PRRC2B: variants seen among roughly 807,000 people sequenced by gnomAD.
The protein encoded by PRRC2B is proline rich coiled-coil 2B.
In PRRC2B, 68 loss-of-function variants were observed where a neutral mutation model predicts 242.3. That is an observed-to-expected ratio of 0.28 (90% confidence interval 0.23 to 0.34). PRRC2B has a LOEUF of 0.34. Among genes scored for constraint, PRRC2B ranks in the 10% least tolerant of loss-of-function variants. The pLI is 1.00. For missense variants in PRRC2B, 2,835 were observed against 2,954.8 expected, an observed-to-expected ratio of 0.96 and a Z score of 0.94; for synonymous variants, 1,228 against 1,173.6, an observed-to-expected ratio of 1.05 and a Z score of -0.95.
chr9:131,482,943 T>A lies in PRRC2B; in HGVS notation c.5373+36T>A, dbSNP rs747307159. Reference sequence around the variant, plus strand: ...GATTTGTTTTCTTGCTTGCTTTTTTTACTTTTTATTTTGGTACTTGGAGAG... The same window carrying A: ...GATTTGTTTTCTTGCTTGCTTTTTTAACTTTTTATTTTGGTACTTGGAGAG... On this transcript the variant is annotated intron_variant, in intron 22 of 31. Coordinates refer to ENST00000683519, the MANE Select transcript of PRRC2B (RefSeq NM_013318.4). The surrounding 1 kb of genome is among the most constrained non-coding windows in gnomAD (Gnocchi z 5.2). 16 of 1,567,364 alleles carry A rather than the reference T, an allele frequency of 1.0e-5. No homozygotes were observed. Among genetic ancestry groups the A allele is most frequent in the South Asian group, 2.3e-5 (2 of 85,298 alleles).
chr9:131,418,684 C>T (rs1425870922), intron 1 of PRRC2B, among the ~76,000 whole-genome samples: 3 of 152,258 alleles, frequency 2.0e-5, no homozygotes, highest in Admixed American at 1.3e-4. Context: ...GGGACAGCTG[C>T]AGCTGGCTGG....
chr9:131,471,887 A>T (rs1403031973), intron 14 of PRRC2B, among the ~76,000 whole-genome samples: 1 of 152,200 alleles, frequency 6.6e-6, no homozygotes, highest in East Asian at 1.9e-4. Context: ...AAATGTCTTC[A>T]TCATTGCAAG....
At chr9:131,421,594 C>A (rs907390330) in intron 1 of PRRC2B, among the ~76,000 whole-genome samples, 1 of 152,230 alleles carries the variant, frequency 6.6e-6, no homozygotes, top group Non-Finnish European at 1.5e-5. Flanking sequence ...TTCTCTCTCA[C>A]TGCCCCCAGC....
At chr9:131,474,420 A>G in intron 15 of PRRC2B, 34 bp from the exon 16 acceptor site, 2 of 1,561,468 alleles carry the variant, frequency 1.3e-6, no homozygotes, top group Non-Finnish European at 1.7e-6. Flanking sequence ...CCAGGCTCCA[A>G]TCGCATTGAC....
chr9:131,478,649 G>GCCCCGGGCC, intron 18 of PRRC2B, 30 bp downstream of exon 18: 5 of 504,528 alleles, frequency 9.9e-6, no homozygotes, highest in Non-Finnish European at 2.0e-5. Flanking sequence ...GGGGCATGGG[G>GCCCCGGGCC]CTGGAGGGCA....
At chr9:131,485,199 G>A (rs942196453) in intron 25 of PRRC2B, 59 bp downstream of exon 25, 19 of 1,370,614 alleles carry the variant, frequency 1.4e-5, no homozygotes, top group Admixed American at 2.4e-5. Flanking sequence ...CAAGAAAAAC[G>A]GATTAACAGC....
chr9:131,451,085 G>A (rs1207559494), intron 9 of PRRC2B, among the ~76,000 whole-genome samples: 5 of 152,028 alleles, frequency 3.3e-5, no homozygotes, highest in Admixed American at 2.6e-4. Flanking sequence ...ATTTTTTAAG[G>A]GTTTGCTGTC....
chr9:131,375,071 A>G (rs768006636), intron 1 of PRRC2B, among the ~76,000 whole-genome samples: 11 of 152,312 alleles, frequency 7.2e-5, no homozygotes, highest in Non-Finnish European at 1.3e-4. Flanking sequence ...AGTGACTTCA[A>G]GTCACATAAC....
chr9:131,476,829 TGCA>T (rs1213383950), intron 16 of PRRC2B, among the ~76,000 whole-genome samples: 1 of 150,934 alleles, frequency 6.6e-6, no homozygotes, highest in African/African-American at 2.4e-5. Context: ...GAGGGGCCGC[TGCA>T]GCGAGGAACG....
chr9:131,420,481 C>CT lies in PRRC2B; in HGVS notation c.-51-9610dup, dbSNP rs1221749153. On this transcript the variant is annotated intron_variant, in intron 1 of 31. Coordinates refer to ENST00000683519, the MANE Select transcript of PRRC2B (RefSeq NM_013318.4). ...TCTTTCTTTCTTTCTTTCTTTCTTTCTTTCTTTCTTTCTTTTTTTTTTTTT... is the reference window on the plus strand; with the variant it reads ...TCTTTCTTTCTTTCTTTCTTTCTTTCTTTTCTTTCTTTCTTTTTTTTTTTTT... 2.2e-3 allele frequency among the ~76,000 whole-genome samples: 30 copies of CT among 13,436 alleles called. 3 individuals are homozygous for CT. Among genetic ancestry groups the CT allele is most frequent in the African/African-American group, 5.5e-3 (29 of 5,318 alleles). 8.8% of individuals were successfully genotyped at this position (13,436 alleles called of 152,430 possible).
In PRRC2B at chr9:131,473,658, A is replaced by G; in HGVS notation, c.2258A>G (p.Gln753Arg). The G allele has an allele frequency of 6.2e-7, 1 of 1,613,874 alleles. No individual in the cohort carries two copies. Among genetic ancestry groups the G allele is most frequent in the Non-Finnish European group, 8.5e-7 (1 of 1,179,872 alleles). The stretch of plus-strand genomic sequence containing the variant: ...AGCCCAGAGGGCTACATGGCACTGC[A>G]GAGCAAGGGCTACCCGCTCCCGCAC... The part of the protein sequence containing the change: ...VWSPEGYMAL[Q>R]SKGYPLPHPK... Residue 753 changes from glutamine (Q) to arginine (R), a missense_variant, in exon 15 of 32, where the codon CAG becomes CGG. Gln to Arg is a conservative substitution (Grantham distance 43). This residue lies in a region of PRRC2B where 1,536 missense variants were observed against 1,483.1 expected (regional missense o/e 1.04). Transcript: ENST00000683519.
intron 10 of PRRC2B, among the ~76,000 whole-genome samples, chr9:131,458,666 C>T (rs1035376752): frequency 1.3e-5 from 2 of 152,028 alleles, no homozygotes; most frequent in Admixed American, 6.6e-5. Flanking sequence ...CCACACCTGG[C>T]TAATTTTTGT....
At chr9:131,406,263 G>T (rs1179683906) in intron 1 of PRRC2B, among the ~76,000 whole-genome samples, 1 of 152,154 alleles carries the variant, frequency 6.6e-6, no homozygotes, top group Non-Finnish European at 1.5e-5. Context: ...ACTAGCAAGG[G>T]CCTCCCATGG....
At chr9:131,384,521 T>G (rs1836803806) in intron 1 of PRRC2B, among the ~76,000 whole-genome samples, 1 of 152,108 alleles carries the variant, frequency 6.6e-6, no homozygotes, top group Non-Finnish European at 1.5e-5. Flanking sequence ...TGACCTCAAG[T>G]GATCCGCCCA....
intron 1 of PRRC2B, among the ~76,000 whole-genome samples, chr9:131,402,662 G>A (rs1837256444): frequency 6.6e-6 from 1 of 152,284 alleles, no homozygotes; most frequent in East Asian, 1.9e-4. Flanking sequence ...CAGAAACCAA[G>A]CTCACCTCAG....
Position 131,481,799 on chromosome 9 carries a change from C to T in PRRC2B, c.4974C>T (p.Gly1658=). The change falls in exon 20 of 32, where the codon GGC becomes GGT. Residue 1658 remains glycine (G), a synonymous_variant. Coordinates refer to ENST00000683519, the MANE Select transcript of PRRC2B (RefSeq NM_013318.4). ...CTGCCTTCAGCAGCACCGAGACTGG[C>T]TCTGCGGAGGTGAGTGTGGCCGCTG... ...AVTAFSSTET[G]SAEQGFKSSQ... The T allele has an allele frequency of 1.9e-6, 3 of 1,558,008 alleles. No individual in the cohort carries two copies. The highest frequency in any genetic ancestry group is 1.7e-6 in the Non-Finnish European group (2 of 1,153,360).
chr9:131,485,246 T>A, intron 25 of PRRC2B, 106 bp downstream of exon 25: 1 of 959,778 alleles, frequency 1.0e-6, no homozygotes, highest in South Asian at 1.7e-5. Context: ...TTAAGTAGCA[T>A]GTAGAAGTAG....
At position 131,495,896 on chromosome 9, in the gene PRRC2B, CCT is replaced by C; in HGVS notation, c.*26_*27del. ...CTGACAGTGCCTGGCTGCCACCTCG[CCT>C]CTCCCTACTGAGGACGGTGCCGCCA... On this transcript the variant is annotated 3_prime_UTR_variant, in exon 32 of 32. Transcript: ENST00000683519. 6.3e-7 allele frequency: 1 copy of C among 1,596,528 alleles called. No homozygotes were observed. The highest frequency in any genetic ancestry group is 1.1e-5 in the South Asian group (1 of 90,782).
rs186235967 is a variant in PRRC2B at position 131,439,187 on chromosome 9, C to T, written c.469+126C>T. ...AGGACTCTCTTCCACAAAGAGGTAC[C>T]GTCTATGGAGCCCTTGCCTGTGCAC... On this transcript the variant is annotated intron_variant, in intron 5 of 31. Coordinates refer to ENST00000683519, the MANE Select transcript of PRRC2B (RefSeq NM_013318.4). The T allele has an allele frequency of 1.1e-3, 798 of 756,182 alleles. 4 individuals carry two copies. In the African/African-American group the frequency reaches 0.012, roughly 12 times the overall value. The allele number at this position is 756,182 out of a possible 1,614,324, so 46.8% of individuals were successfully genotyped here.
Sources: gnomAD v4.1 joint callset for allele counts (sites outside exome capture counted in the v4.1 genomes callset) on GRCh38, gnomAD v4.1.1 for gene constraint, gnomAD v4.1.1 regional missense constraint, Gnocchi (gnomAD v3.1) non-coding constraint, MANE v1.5 for transcripts, NCBI Gene and HGNC (gene_info 2026-07-23, HGNC 2026-07-21) for gene names.